NAALADL2: variants seen among roughly 807,000 people sequenced by gnomAD.
NAALADL2 encodes N-acetylated alpha-linked acidic dipeptidase like 2.
NAALADL2 carries 76 observed loss-of-function variants against 87.2 expected under a neutral mutation model. The ratio of observed to expected loss-of-function variants is 0.87; its 90% CI spans 0.72 to 1.05. NAALADL2 has a LOEUF of 1.05. NAALADL2 is among the 50% of genes least tolerant of loss of function. NAALADL2 has a pLI of 0.00. For missense variants in NAALADL2, 1,089 were observed against 945.8 expected (o/e 1.15, Z -1.99); for synonymous variants, 354 against 331.0 (o/e 1.07, Z -0.75).
intron 1 of NAALADL2, among the ~76,000 whole-genome samples, chr3:174,950,730 T>A (rs1172549807): frequency 6.6e-6 from 1 of 152,114 alleles, no homozygotes; most frequent in Non-Finnish European, 1.5e-5. Context: ...AAAAGGCTAG[T>A]CAAACAATTC....
At chr3:175,576,324 G>T in intron 10 of NAALADL2, 137 bp downstream of exon 10, 1 of 743,174 alleles carries the variant, frequency 1.3e-6, no homozygotes, top group Non-Finnish European at 2.2e-6. Flanking sequence ...AGTTATTCTT[G>T]CTTTTTCAAA....
chr3:175,015,341 A>G (rs892209344), intron 1 of NAALADL2, among the ~76,000 whole-genome samples: 1 of 152,118 alleles, frequency 6.6e-6, no homozygotes, highest in African/African-American at 2.4e-5. Flanking sequence ...TCCTAAAGGA[A>G]CAGGAGAAGC....
intron 11 of NAALADL2, among the ~76,000 whole-genome samples, chr3:175,636,696 T>TAAAAAA (rs529189291): frequency 1.2e-5 from 1 of 82,398 alleles, no homozygotes; most frequent in Non-Finnish European, 2.4e-5. Flanking sequence ...AGACTCCATC[T>TAAAAAA]AAAAAAAAAA....
chr3:175,391,784 G>A (rs775468339), intron 5 of NAALADL2, among the ~76,000 whole-genome samples: 39 of 152,118 alleles, frequency 2.6e-4, no homozygotes, highest in Non-Finnish European at 4.1e-4. Context: ...ATCTTTTTCT[G>A]AATCATTTCT....
At chr3:175,271,645 C>T (rs1023202054) in intron 4 of NAALADL2, among the ~76,000 whole-genome samples, 3 of 151,844 alleles carry the variant, frequency 2.0e-5, no homozygotes, top group African/African-American at 4.8e-5. Context: ...TACAAAAATT[C>T]GCCGGGTGTG....
chr3:174,712,278 G>A (rs540830525), intron 2 of NAALADL2, among the ~76,000 whole-genome samples: 17 of 151,698 alleles, frequency 1.1e-4, no homozygotes, highest in African/African-American at 3.4e-4. Flanking sequence ...GATAAATAAG[G>A]GTACGTCTGG....
chr3:175,553,835 T>G (rs1398627750), intron 9 of NAALADL2, among the ~76,000 whole-genome samples: 1 of 152,116 alleles, frequency 6.6e-6, no homozygotes, highest in Non-Finnish European at 1.5e-5. Flanking sequence ...ATTTATTAAT[T>G]TGAGAAATAT....
chr3:175,463,132 A>G (rs887129273), intron 6 of NAALADL2, among the ~76,000 whole-genome samples: 5 of 152,174 alleles, frequency 3.3e-5, no homozygotes, highest in Non-Finnish European at 5.9e-5. Context: ...GTAGAACTCA[A>G]TGTAAGGTTT....
At chr3:175,020,001 C>A (rs980258426) in intron 1 of NAALADL2, among the ~76,000 whole-genome samples, 3 of 151,974 alleles carry the variant, frequency 2.0e-5, no homozygotes, top group African/African-American at 7.2e-5. Flanking sequence ...CATTTTTTGA[C>A]TGAATCCCAG....
At chr3:175,140,452 A>G (rs1383342411) in intron 2 of NAALADL2, among the ~76,000 whole-genome samples, 3 of 152,160 alleles carry the variant, frequency 2.0e-5, no homozygotes, top group African/African-American at 4.8e-5. Flanking sequence ...ACAGTGTGCA[A>G]TAGATGCACA....
chr3:174,842,922 T>G (rs1238809658), intron 3 of NAALADL2, among the ~76,000 whole-genome samples: 1 of 152,172 alleles, frequency 6.6e-6, no homozygotes, highest in African/African-American at 2.4e-5. Context: ...TTATCTTGTT[T>G]CCTTGTTAAT....
In NAALADL2 at chr3:175,655,602, C is replaced by A. The variant is rs141095285; in HGVS notation, c.1896+28216C>A. ...TGAAAATCGCAGAAACAATCATCAG[C>A]AAGAGAGATTTCCTGTTACCCCAAC... is the stretch of plus-strand genomic sequence containing the variant. On this transcript the variant is annotated intron_variant, in intron 11 of 13. Transcript: ENST00000454872. The A allele has an allele frequency of 3.3e-3, 654 of 195,940 alleles. 10 individuals carry two copies. The Middle Eastern group carries it at 0.063, about 19-fold the overall frequency. 12.1% of individuals were successfully genotyped at this position (195,940 alleles called of 1,614,324 possible). A position where few individuals can be genotyped will look rare whatever the true frequency, so the allele number is the denominator to read the frequency against.
chr3:175,207,387 T>C (rs1455768492), intron 2 of NAALADL2, among the ~76,000 whole-genome samples: 1 of 152,068 alleles, frequency 6.6e-6, no homozygotes, highest in Non-Finnish European at 1.5e-5. Flanking sequence ...TTACCAAATA[T>C]CATATTAAAA....
intron 2 of NAALADL2, among the ~76,000 whole-genome samples, chr3:174,652,826 T>G (rs1724509376): frequency 6.6e-6 from 1 of 151,878 alleles, no homozygotes; most frequent in South Asian, 2.1e-4. Context: ...AATACAGATT[T>G]CACAAAGGGC....
intron 13 of NAALADL2, among the ~76,000 whole-genome samples, chr3:175,777,088 T>G (rs1309736057): frequency 7.9e-5 from 12 of 151,540 alleles, no homozygotes; most frequent in Non-Finnish European, 5.9e-5. Flanking sequence ...GTCTTCTGAT[T>G]GATGAAGCTG....
chr3:175,097,563 C>T (rs1042238933), intron 2 of NAALADL2, among the ~76,000 whole-genome samples: 2 of 152,054 alleles, frequency 1.3e-5, no homozygotes, highest in African/African-American at 4.8e-5. Flanking sequence ...TATTTTCTCC[C>T]TCTTGGTGAG....
chr3:174,731,885 G>A (rs755236748), intron 2 of NAALADL2, among the ~76,000 whole-genome samples: 5 of 152,096 alleles, frequency 3.3e-5, no homozygotes, highest in African/African-American at 9.7e-5. Context: ...ACTGCTAGTT[G>A]GCAAACTTAT....
At chr3:174,641,523 G>C (rs1211365059) in intron 2 of NAALADL2, among the ~76,000 whole-genome samples, 2 of 152,124 alleles carry the variant, frequency 1.3e-5, no homozygotes, top group Non-Finnish European at 2.9e-5. Flanking sequence ...CCGTGTTAAC[G>C]ATGCCCTCAA....
intron 5 of NAALADL2, among the ~76,000 whole-genome samples, chr3:175,334,637 T>C (rs903422989): frequency 6.6e-6 from 1 of 152,000 alleles, no homozygotes; most frequent in Non-Finnish European, 1.5e-5. Context: ...TTGTTGGAGT[T>C]TTTTTCCCCA....
Sources: allele counts gnomAD v4.1 joint callset (sites outside exome capture counted in the v4.1 genomes callset), GRCh38; gene constraint gnomAD v4.1.1; transcripts MANE v1.5; gene names NCBI Gene and HGNC (gene_info 2026-07-23, HGNC 2026-07-21).